BRINP3: variants seen among roughly 807,000 people sequenced by gnomAD.
BRINP3 encodes the protein BMP/retinoic acid inducible neural specific 3.
Under a neutral mutation model 71.0 loss-of-function variants are expected in BRINP3, and 19 were observed. That is an observed-to-expected ratio of 0.27 (90% CI 0.19 to 0.39). BRINP3 has a LOEUF of 0.39. Among genes scored for constraint, BRINP3 ranks in the 10% least tolerant of loss-of-function variants. The pLI is 1.00. For missense variants in BRINP3, 959 were observed against 940.8 expected, an observed-to-expected ratio of 1.02 and a Z score of -0.25; for synonymous variants, 380 against 337.7, an observed-to-expected ratio of 1.13 and a Z score of -1.37.
chr1:190,202,746 C>T (rs140546951), intron 6 of BRINP3, among the ~76,000 whole-genome samples: 114 of 152,194 alleles, frequency 7.5e-4, no homozygotes, highest in Non-Finnish European at 9.6e-4. Context: ...TTTTGCCTGT[C>T]ATCATCCATA....
intron 7 of BRINP3, among the ~76,000 whole-genome samples, chr1:190,117,434 A>C (rs1300001409): frequency 6.6e-6 from 1 of 152,020 alleles, no homozygotes; most frequent in Admixed American, 6.6e-5. Context: ...TCAAACATAC[A>C]CAAACAGTAG....
intron 7 of BRINP3, among the ~76,000 whole-genome samples, chr1:190,110,867 C>T (rs1167816290): frequency 6.6e-6 from 1 of 152,116 alleles, no homozygotes; most frequent in East Asian, 1.9e-4. Context: ...CTTTGAATCA[C>T]AATCTATGAT....
At chr1:190,301,176 CAT>C (rs138605864) in intron 2 of BRINP3, among the ~76,000 whole-genome samples, 61,762 of 101,942 alleles carry the variant, frequency 0.61, 17,021 homozygotes, top group Admixed American at 0.66. Flanking sequence ...CATATATATA[CAT>C]ATATATATGT....
At chr1:190,201,285 A>T (rs1654982604) in intron 6 of BRINP3, among the ~76,000 whole-genome samples, 1 of 152,248 alleles carries the variant, frequency 6.6e-6, no homozygotes, top group African/African-American at 2.4e-5. Context: ...GAGATTTTGA[A>T]ACTTTGAGCT....
chr1:190,187,971 G>A lies in BRINP3; in HGVS notation c.962-27081C>T, dbSNP rs1430337377. Among the ~76,000 whole-genome samples the A allele has an allele frequency of 2.0e-5, 3 of 151,718 alleles. No individual in the cohort carries two copies. The East Asian group carries it at 5.8e-4, about 29-fold the overall frequency. ...TTTAATCTATAGATTGTTTTGGGTAGTATGGACATTTTAACAATATTAAGT... is the reference window on the plus strand; with the variant it reads ...TTTAATCTATAGATTGTTTTGGGTAATATGGACATTTTAACAATATTAAGT... On this transcript the variant is annotated intron_variant, in intron 6 of 7. Coordinates refer to ENST00000367462, the MANE Select transcript of BRINP3 (RefSeq NM_199051.3).
chr1:190,190,310 C>T (rs1324754444), intron 6 of BRINP3, among the ~76,000 whole-genome samples: 3 of 152,072 alleles, frequency 2.0e-5, no homozygotes, highest in Non-Finnish European at 4.4e-5. Flanking sequence ...AGCAGACAGC[C>T]TCCCGTTTCA....
At chr1:190,391,236 T>C (rs1286006794) in intron 2 of BRINP3, among the ~76,000 whole-genome samples, 1 of 151,780 alleles carries the variant, frequency 6.6e-6, no homozygotes, top group Admixed American at 6.6e-5. Flanking sequence ...ATGACCTCCC[T>C]CTGCTTATTT....
chr1:190,346,746 C>T (rs769709660), intron 2 of BRINP3, among the ~76,000 whole-genome samples: 5 of 152,098 alleles, frequency 3.3e-5, no homozygotes, highest in Admixed American at 6.6e-5. Flanking sequence ...TCCCTAACAG[C>T]GATCTCTGAA....
chr1:190,308,808 T>A (rs1377623493), intron 2 of BRINP3, among the ~76,000 whole-genome samples: 3 of 151,982 alleles, frequency 2.0e-5, no homozygotes, highest in African/African-American at 7.2e-5. Context: ...TGTTAAAATG[T>A]ATATATGTTT....
Position 190,331,472 on chromosome 1 carries a change from G to A in BRINP3, c.237-49722C>T, listed in dbSNP as rs571954971. On this transcript the variant is annotated intron_variant, in intron 2 of 7. Transcript: ENST00000367462. ...TTAACAGGTCTGATTCTCATGCAGT[G>A]TATGGTAGAGTCTGTTAAATGCTTT... 5.9e-5 allele frequency among the ~76,000 whole-genome samples: 9 copies of A among 152,126 alleles called. No individual in the cohort carries two copies. The South Asian group carries it at 1.9e-3, about 32-fold the overall frequency.
At chr1:190,448,842 A>G (rs1224421747) in intron 2 of BRINP3, among the ~76,000 whole-genome samples, 1 of 151,738 alleles carries the variant, frequency 6.6e-6, no homozygotes, top group Non-Finnish European at 1.5e-5. Context: ...TAAACTTTTT[A>G]TATGTTTGTC....
chr1:190,224,507 A>G (rs1340275873), intron 6 of BRINP3, among the ~76,000 whole-genome samples: 1 of 151,930 alleles, frequency 6.6e-6, no homozygotes, highest in African/African-American at 2.4e-5. Context: ...ACTTAAATCT[A>G]AAACTTAAAA....
chr1:190,151,479 T>G (rs1656387561), intron 7 of BRINP3, among the ~76,000 whole-genome samples: 1 of 152,144 alleles, frequency 6.6e-6, no homozygotes, highest in Admixed American at 6.5e-5. Context: ...CCATAAAATT[T>G]TTCTCTCATA....
At chr1:190,392,076 T>TCC (rs1218495960) in intron 2 of BRINP3, among the ~76,000 whole-genome samples, 2 of 151,378 alleles carry the variant, frequency 1.3e-5, no homozygotes, top group Admixed American at 6.6e-5. Context: ...AAAAATGATT[T>TCC]AATTGAAAGA....
intron 2 of BRINP3, among the ~76,000 whole-genome samples, chr1:190,427,381 T>C (rs1673782246): frequency 6.6e-6 from 1 of 151,970 alleles, no homozygotes; most frequent in Non-Finnish European, 1.5e-5. Context: ...AAGAACTACA[T>C]GTAAAAATAA....
chr1:190,427,058 T>A (rs1260957528), intron 2 of BRINP3, among the ~76,000 whole-genome samples: 2 of 151,922 alleles, frequency 1.3e-5, no homozygotes, highest in African/African-American at 2.4e-5. Context: ...CTTTCTAGTG[T>A]TAAAGTGTTA....
At chr1:190,408,019 C>CTTTTTTTTTTTTTTTTT (rs34343187) in intron 2 of BRINP3, among the ~76,000 whole-genome samples, 1 of 99,782 alleles carries the variant, frequency 1.0e-5, no homozygotes, top group Admixed American at 1.4e-4. Flanking sequence ...CTACATTTGT[C>CTTTTTTTTTTTTTTTTT]TTTTTTTTTT....
intron 4 of BRINP3, among the ~76,000 whole-genome samples, chr1:190,247,354 A>C (rs1335668438): frequency 1.3e-5 from 2 of 151,836 alleles, no homozygotes; most frequent in Admixed American, 6.6e-5. Context: ...AAGGAAGCAG[A>C]CTCCAAAGTG....
intron 2 of BRINP3, among the ~76,000 whole-genome samples, chr1:190,300,495 C>G (rs575293422): frequency 6.6e-6 from 1 of 152,248 alleles, no homozygotes; most frequent in Admixed American, 6.5e-5. Flanking sequence ...AACAAAAAGA[C>G]AGCAGTAACC....
Sources: allele counts gnomAD v4.1 joint callset (sites outside exome capture counted in the v4.1 genomes callset), GRCh38; gene constraint gnomAD v4.1.1; transcripts MANE v1.5; gene names NCBI Gene and HGNC (gene_info 2026-07-23, HGNC 2026-07-21).